Variants in TXNDC5 observed in about 807,000 individuals in gnomAD.
TXNDC5 encodes thioredoxin domain containing 5.
A neutral mutation model predicts 52.6 loss-of-function variants in TXNDC5; 44 were observed. That is an observed-to-expected ratio of 0.84 (90% CI 0.66 to 1.08). TXNDC5 has a LOEUF of 1.08. TXNDC5 is among the 50% of genes least tolerant of loss of function. The pLI is 0.00. For missense variants in TXNDC5, 600 were observed against 565.5 expected (o/e 1.06, Z -0.62); for synonymous variants, 241 against 234.4 (o/e 1.03, Z -0.26).
chr6:7,888,594 C>T, intron 7 of TXNDC5, 111 bp downstream of exon 7: 1 of 1,373,364 alleles, frequency 7.3e-7, no homozygotes, highest in Non-Finnish European at 9.7e-7. Context: ...TGACTGTGTC[C>T]CCAAACTGTC....
chr6:7,883,341 G>T, intron 9 of TXNDC5, 75 bp from the exon 10 acceptor site: 1 of 1,603,626 alleles, frequency 6.2e-7, no homozygotes, highest in Non-Finnish European at 8.5e-7. Context: ...AATAAAACCA[G>T]ATACACTCCT....
chr6:7,886,382 G>A (rs891161254), intron 7 of TXNDC5, among the ~76,000 whole-genome samples: 2 of 152,162 alleles, frequency 1.3e-5, no homozygotes, highest in African/African-American at 2.4e-5. Flanking sequence ...GCGCTGTGGT[G>A]TGGACCAGGC....
At chr6:7,884,837 C>A (rs959093082) in intron 8 of TXNDC5, among the ~76,000 whole-genome samples, 5 of 152,222 alleles carry the variant, frequency 3.3e-5, no homozygotes, top group African/African-American at 1.2e-4. Context: ...AGATGCCACA[C>A]AATTTCTAAA....
rs548593250 is a variant in TXNDC5 at position 7,881,520 on chromosome 6, TAA to T, written c.*1622_*1623del. Reference sequence around the variant, plus strand: ...AACATTGAAGGAAAGACCAGACTTTTAAAAAAAAAGAGTTTATTTAGAAAGTA... The same window carrying T: ...AACATTGAAGGAAAGACCAGACTTTTAAAAAAAGAGTTTATTTAGAAAGTA... On this transcript the variant is annotated 3_prime_UTR_variant, in exon 10 of 10. Coordinates refer to ENST00000379757, the MANE Select transcript of TXNDC5 (RefSeq NM_030810.5). The T allele has an allele frequency of 7.3e-5, 11 of 151,476 alleles. 2 individuals are homozygous for T. The highest frequency in any genetic ancestry group is 2.1e-4 in the South Asian group (1 of 4,784). The allele number at this position is 151,476 out of a possible 1,614,324, so 9.4% of individuals were successfully genotyped here. A position where few individuals can be genotyped will look rare whatever the true frequency, so the allele number is the denominator to read the frequency against.
chr6:7,893,458 G>A (rs1254328096), intron 4 of TXNDC5, among the ~76,000 whole-genome samples: 2 of 152,172 alleles, frequency 1.3e-5, no homozygotes, highest in Admixed American at 6.5e-5. Flanking sequence ...TGGGAAGCCA[G>A]CAAGGGCAGG....
At chr6:7,897,936 C>G (rs1037303689) in intron 3 of TXNDC5, among the ~76,000 whole-genome samples, 1 of 152,222 alleles carries the variant, frequency 6.6e-6, no homozygotes, top group South Asian at 2.1e-4. Flanking sequence ...GCTCATTCAG[C>G]TTTCTTGCCA....
intron 2 of TXNDC5, 145 bp downstream of exon 2, chr6:7,904,429 A>G: frequency 9.5e-7 from 1 of 1,047,560 alleles, no homozygotes; most frequent in South Asian, 1.6e-5. Flanking sequence ...TAAAACAGAC[A>G]CAGCATTAAA....
intron 2 of TXNDC5, among the ~76,000 whole-genome samples, chr6:7,904,199 T>C (rs931275471): frequency 2.0e-5 from 3 of 152,218 alleles, no homozygotes; most frequent in Admixed American, 6.5e-5. Context: ...GGAACAGCCC[T>C]GTGGGAGTCA....
In TXNDC5 at chr6:7,910,598, G is replaced by T; in HGVS notation, c.179C>A (p.Pro60Gln). Reference sequence around the variant, plus strand: ...GGCCGTGTACAGGTGCTTGCTGTGCGGGTCCTGTCCGTCCTCGCCGTCTGC... The same window carrying T: ...GGCCGTGTACAGGTGCTTGCTGTGCTGGTCCTGTCCGTCCTCGCCGTCTGC... ...PAADGEDGQD[P>Q]HSKHLYTADM... The change falls in exon 1 of 10, where the codon CCG becomes CAG. Residue 60 changes from proline (P) to glutamine (Q), a missense_variant. Physicochemically the swap from Pro to Gln is moderately conservative, Grantham distance 76. Transcript: ENST00000379757. The T allele has an allele frequency of 1.4e-6, 2 of 1,400,380 alleles. No individual in the cohort carries two copies. The highest frequency in any genetic ancestry group is 1.9e-6 in the Non-Finnish European group (2 of 1,061,016). The allele number at this position is 1,400,380 out of a possible 1,614,324, so 86.7% of individuals were successfully genotyped here. A position where few individuals can be genotyped will look rare whatever the true frequency, so the allele number is the denominator to read the frequency against.
At chr6:7,899,513 C>G in intron 3 of TXNDC5, 63 bp downstream of exon 3, 2 of 1,192,566 alleles carry the variant, frequency 1.7e-6, no homozygotes, top group Non-Finnish European at 2.3e-6. Flanking sequence ...CATATTACCC[C>G]AAAGATGTAG....
rs1223184543 is a variant in TXNDC5, at chr6:7,881,610, A to C, written c.*1534T>G. 2.1e-5 allele frequency: 3 copies of C among 141,684 alleles called. No individual in the cohort carries two copies. Among genetic ancestry groups the C allele is most frequent in the Admixed American group, 1.3e-4 (2 of 14,846 alleles). 8.8% of individuals were successfully genotyped at this position (141,684 alleles called of 1,614,324 possible). A position where few individuals can be genotyped will look rare whatever the true frequency, so the allele number is the denominator to read the frequency against. ...TCTTGGAATACAAGACTCGTGATGC[A>C]AAGCTGAAGTTGTGTGTACAAGACT... is the stretch of plus-strand genomic sequence containing the variant. On this transcript the variant is annotated 3_prime_UTR_variant, in exon 10 of 10. Transcript: ENST00000379757.
chr6:7,895,053 C>T (rs1010645714), intron 4 of TXNDC5, 53 bp downstream of exon 4: 33 of 1,579,278 alleles, frequency 2.1e-5, no homozygotes, highest in Middle Eastern at 1.7e-4. Context: ...AAGCCCAGCA[C>T]GCCAAGGAAT....
intron 1 of TXNDC5, among the ~76,000 whole-genome samples, chr6:7,905,925 T>C (rs1420318154): frequency 1.3e-5 from 2 of 152,368 alleles, no homozygotes; most frequent in Admixed American, 1.3e-4. Flanking sequence ...CTCCTTTTAT[T>C]TTCTGACAGA....
chr6:7,894,486 G>A (rs915159232), intron 4 of TXNDC5, among the ~76,000 whole-genome samples: 1 of 152,026 alleles, frequency 6.6e-6, no homozygotes, highest in Admixed American at 6.6e-5. Flanking sequence ...GCATACTTCC[G>A]AGATACTGTG....
In TXNDC5 at chr6:7,882,008, A is replaced by C. The variant is rs1759761814; in HGVS notation, c.*1136T>G. On this transcript the variant is annotated 3_prime_UTR_variant, in exon 10 of 10. Transcript: ENST00000379757. The stretch of plus-strand genomic sequence containing the variant: ...ACAAGGACAGCATGAGTTAGAGGAC[A>C]CTGGCATCAACAGCTGCCACAGCCG... 6.5e-6 allele frequency: 1 copy of C among 152,728 alleles called. No homozygotes were observed. Among genetic ancestry groups the C allele is most frequent in the African/African-American group, 2.4e-5 (1 of 41,464 alleles). 9.5% of individuals were successfully genotyped at this position (152,728 alleles called of 1,614,324 possible). A position where few individuals can be genotyped will look rare whatever the true frequency, so the allele number is the denominator to read the frequency against.
chr6:7,888,991 C>T (rs887824765), intron 6 of TXNDC5, 143 bp from the exon 7 acceptor site: 67 of 1,095,254 alleles, frequency 6.1e-5, no homozygotes, highest in East Asian at 4.0e-4. Context: ...CATATTTAGA[C>T]GGGAATGTAG....
At chr6:7,884,317 C>G (rs768990026) in intron 9 of TXNDC5, 42 bp downstream of exon 9, 3 of 1,612,166 alleles carry the variant, frequency 1.9e-6, no homozygotes, top group Non-Finnish European at 2.5e-6. Flanking sequence ...GGGATCTGCC[C>G]CCATACTGAG....
chr6:7,884,619 C>T (rs1759896269), intron 8 of TXNDC5, 131 bp from the exon 9 acceptor site: 3 of 1,257,628 alleles, frequency 2.4e-6, no homozygotes, highest in African/African-American at 1.5e-5. Flanking sequence ...TGTAAAATAC[C>T]AAATTCTCCC....
chr6:7,910,393 G>T, intron 1 of TXNDC5, 121 bp downstream of exon 1: 1 of 1,084,424 alleles, frequency 9.2e-7, no homozygotes. Context: ...TAGCACGCAC[G>T]CCGCAGACCA....
Sources: allele counts gnomAD v4.1 joint callset (sites outside exome capture counted in the v4.1 genomes callset), GRCh38; gene constraint gnomAD v4.1.1; transcripts MANE v1.5; gene names NCBI Gene and HGNC (gene_info 2026-07-23, HGNC 2026-07-21).